The following TDRKH variants were observed in gnomAD, a reference collection of about 807,000 sequenced individuals.
TDRKH encodes tudor and KH domain containing.
TDRKH carries 28 observed loss-of-function variants against 61.3 expected under a neutral mutation model. That is an observed-to-expected ratio of 0.46 (90% confidence interval 0.34 to 0.63). The LOEUF (loss-of-function observed/expected upper bound fraction) is 0.63. TDRKH is among the 20% of genes least tolerant of loss of function. The pLI is 0.01. For synonymous variants in TDRKH, 219 were observed against 244.4 expected, an observed-to-expected ratio of 0.90 and a Z score of 0.97; for missense variants, 540 against 683.4, an observed-to-expected ratio of 0.79 and a Z score of 2.34.
chr1:151,768,256 A>AC, downstream of TDRKH: 1 of 1,596,606 alleles, frequency 6.3e-7, no homozygotes, highest in Non-Finnish European at 8.5e-7. Context: ...GGATGGGAGA[A>AC]TGGGGAGGGA....
chr1:151,768,056 A>G (rs953382888), downstream of TDRKH: 1 of 1,613,804 alleles, frequency 6.2e-7, no homozygotes, highest in East Asian at 2.2e-5. Flanking sequence ...CTCCTTTTCC[A>G]GGCTGGGAAC....
chr1:151,780,945 G>A (rs1019340445), intron 3 of TDRKH, among the ~76,000 whole-genome samples: 2 of 152,038 alleles, frequency 1.3e-5, no homozygotes, highest in Non-Finnish European at 1.5e-5. Flanking sequence ...TTTCTCTAGG[G>A]AGAAGTACTC....
chr1:151,778,280 A>C (rs1649402238), intron 6 of TDRKH, among the ~76,000 whole-genome samples: 2 of 152,230 alleles, frequency 1.3e-5, no homozygotes, highest in African/African-American at 4.8e-5. Flanking sequence ...ATTTTTGTTA[A>C]TAAAGGTCAT....
rs1334598933 is a variant in TDRKH at position 151,775,732 on chromosome 1, A to G, written c.1282+88T>C. ...GCACCTGAGTCCCCAGAATTCAAAAAGCCTGGGAATGTGAGAATTCCTTCC... is the reference window on the plus strand; with the variant it reads ...GCACCTGAGTCCCCAGAATTCAAAAGGCCTGGGAATGTGAGAATTCCTTCC... On this transcript the variant is annotated intron_variant, in intron 9 of 12. Coordinates refer to ENST00000368824, the MANE Select transcript of TDRKH (RefSeq NM_001083965.2). 3 of 1,536,596 alleles carry G rather than the reference A, an allele frequency of 2.0e-6. No individual in the cohort carries two copies. The African/African-American group carries it at 4.2e-5, about 21-fold the overall frequency.
chr1:151,789,168 T>G (rs1318667565), intron 1 of TDRKH, among the ~76,000 whole-genome samples: 1 of 152,180 alleles, frequency 6.6e-6, no homozygotes, highest in Non-Finnish European at 1.5e-5. Context: ...GCTGAGATTA[T>G]AGGTGCGGTT....
downstream of TDRKH, chr1:151,770,010 G>A (rs1012936381): frequency 5.1e-6 from 6 of 1,176,656 alleles, no homozygotes; most frequent in Non-Finnish European, 7.2e-6. Flanking sequence ...GCAGTGAGCC[G>A]AGATGGCAGC....
At chr1:151,779,840 T>C in intron 4 of TDRKH, 111 bp downstream of exon 4, 6 of 1,169,576 alleles carry the variant, frequency 5.1e-6, no homozygotes, top group Non-Finnish European at 7.2e-6. Flanking sequence ...GTCCCTTTTT[T>C]TCCCCTCACA....
intron 1 of TDRKH, among the ~76,000 whole-genome samples, chr1:151,783,934 T>A (rs1293701918): frequency 6.6e-6 from 1 of 152,252 alleles, no homozygotes; most frequent in Non-Finnish European, 1.5e-5. Context: ...TGAGTTTCTC[T>A]TTGACACTGT....
Position 151,787,808 on chromosome 1 carries a change from CAAAAAAAAAA to C in TDRKH, c.-28+2562_-28+2571del, listed in dbSNP as rs71093211. On this transcript the variant is annotated intron_variant, in intron 1 of 12. Transcript: ENST00000368824. ...GCAACATAGTGAGACTCTGTTTCTA[CAAAAAAAAAA>C]AAAAAAAAAAAAAAAAAAAAATTAG... Among the ~76,000 whole-genome samples, 18 of 50,576 alleles carry C rather than the reference CAAAAAAAAAA, an allele frequency of 3.6e-4. No individual in the cohort carries two copies. The South Asian group carries it at 4.4e-3, about 12-fold the overall frequency. The allele number at this position is 50,576 out of a possible 152,430, so 33.2% of individuals were successfully genotyped here.
Position 151,782,713 on chromosome 1 carries a change from T to C in TDRKH, c.124+186A>G. ...TGAGCCCAGGAGGTCGACACTACAG[T>C]GAGCCAAGATTGTGCCACTGTACGC... On this transcript the variant is annotated intron_variant, in intron 2 of 12. Transcript: ENST00000368824. 2 of 555,940 alleles carry C rather than the reference T, an allele frequency of 3.6e-6. 1 individual carries two copies. Among genetic ancestry groups the C allele is most frequent in the South Asian group, 6.3e-5 (2 of 31,736 alleles). The allele number at this position is 555,940 out of a possible 1,614,324, so 34.4% of individuals were successfully genotyped here.
At position 151,774,493 on chromosome 1, in the gene TDRKH, T is replaced by G; in HGVS notation, c.1645A>C (p.Met549Leu). The change falls in exon 13 of 13, where the codon ATG becomes CTG. Residue 549 changes from methionine to leucine, a missense_variant. Coordinates refer to ENST00000368824, the MANE Select transcript of TDRKH (RefSeq NM_001083965.2). ...TCTTCAAGGTTATCATCACCAGACA[T>G]GGAAGCAGCTTCTATTGAAGATAAA... Reference protein sequence around the residue: ...SCLSLSEAASMSGDDNLEDDY... With the variant: ...SCLSLSEAASLSGDDNLEDDY... The G allele has an allele frequency of 6.2e-7, 1 of 1,614,112 alleles. No homozygotes were observed. The highest frequency in any genetic ancestry group is 8.5e-7 in the Non-Finnish European group (1 of 1,180,014).
chr1:151,781,326 A>ATATATAT (rs1553282714), intron 3 of TDRKH, among the ~76,000 whole-genome samples, 155 bp downstream of exon 3: 1 of 22,300 alleles, frequency 4.5e-5, no homozygotes, highest in African/African-American at 7.0e-5. Context: ...TCAAAAAAAA[A>ATATATAT]AAATATATAT....
At chr1:151,788,843 C>T (rs1003742903) in intron 1 of TDRKH, among the ~76,000 whole-genome samples, 11 of 152,212 alleles carry the variant, frequency 7.2e-5, no homozygotes, top group Non-Finnish European at 1.5e-4. Flanking sequence ...ATCTCGACCC[C>T]CTACACTGGG....
chr1:151,777,120 T>C (rs1222110762), intron 6 of TDRKH, among the ~76,000 whole-genome samples: 1 of 152,188 alleles, frequency 6.6e-6, no homozygotes, highest in Non-Finnish European at 1.5e-5. Context: ...AAAGGCAATA[T>C]AAAATCTGGC....
At chr1:151,774,884 A>G in intron 11 of TDRKH, 78 bp from the exon 12 acceptor site, 1 of 1,521,596 alleles carries the variant, frequency 6.6e-7, no homozygotes, top group Non-Finnish European at 9.1e-7. Context: ...CATTCTTCTC[A>G]TAGGACCTGG....
At position 151,789,675 on chromosome 1, in the gene TDRKH, T is replaced by C. The variant is rs140448218; in HGVS notation, c.-28+705A>G. Among the ~76,000 whole-genome samples the C allele has an allele frequency of 6.1e-3, 925 of 152,330 alleles. 7 individuals carry two copies. Among genetic ancestry groups the C allele is most frequent in the African/African-American group, 0.02 (850 of 41,558 alleles). On this transcript the variant is annotated intron_variant, in intron 1 of 12. Transcript: ENST00000368824. ...ATGACAGGAGTCAAATAGGATGTGA[T>C]GAGAAGTCAAATCACATTGTTAGCT...
intron 6 of TDRKH, 50 bp from the exon 7 acceptor site, chr1:151,776,649 G>C (rs750938171): frequency 2.5e-6 from 4 of 1,596,878 alleles, no homozygotes; most frequent in Non-Finnish European, 3.4e-6. Context: ...TCTCTGGTTG[G>C]AATGAAGAGA....
intron 3 of TDRKH, among the ~76,000 whole-genome samples, chr1:151,781,132 A>G (rs1649719949): frequency 6.6e-6 from 1 of 151,014 alleles, no homozygotes; most frequent in Non-Finnish European, 1.5e-5. Flanking sequence ...CCTGGCCAAC[A>G]TGACGAAACC....
chr1:151,767,853 C>G (rs1292249103), downstream of TDRKH: 4 of 643,166 alleles, frequency 6.2e-6, no homozygotes, highest in Non-Finnish European at 1.0e-5. Context: ...ACTGCCTCAG[C>G]TGGATTGTTT....
Sources: gnomAD v4.1 joint callset for allele counts (sites outside exome capture counted in the v4.1 genomes callset) on GRCh38, gnomAD v4.1.1 for gene constraint, MANE v1.5 for transcripts, NCBI Gene and HGNC (gene_info 2026-07-23, HGNC 2026-07-21) for gene names.